Variants in SIAE observed in about 807,000 individuals in gnomAD.
SIAE encodes the protein sialic acid acetylesterase, also known as sialate O-acetylesterase.
SIAE carries 39 observed loss-of-function variants against 52.6 expected under a neutral mutation model. The observed-to-expected ratio is 0.74, with a 90% CI of 0.57 to 0.97. The LOEUF is 0.97. Among genes scored for constraint, SIAE ranks in the 50% least tolerant of loss-of-function variants. SIAE has a pLI of 0.00. For missense variants in SIAE, 592 were observed against 662.1 expected, an observed-to-expected ratio of 0.89 and a Z score of 1.16; for synonymous variants, 233 against 241.4, an observed-to-expected ratio of 0.97 and a Z score of 0.32.
chr11:124,671,757 AT>A (rs967166115), intron 1 of SIAE, among the ~76,000 whole-genome samples: 2 of 151,686 alleles, frequency 1.3e-5, no homozygotes, highest in African/African-American at 4.8e-5. Flanking sequence ...TTACCATTTG[AT>A]TTCTTGTTTG....
chr11:124,657,120 T>C (rs537770928), intron 3 of SIAE, among the ~76,000 whole-genome samples: 53 of 152,316 alleles, frequency 3.5e-4, no homozygotes, highest in Admixed American at 2.2e-3. Context: ...GCTCCCTTGG[T>C]GGTGGCAGCT....
At chr11:124,672,274 T>C (rs1476396961) in intron 1 of SIAE, among the ~76,000 whole-genome samples, 1 of 152,112 alleles carries the variant, frequency 6.6e-6, no homozygotes, top group African/African-American at 2.4e-5. Flanking sequence ...ATTAGTGTTA[T>C]GGGGAAGAGA....
At chr11:124,668,717 A>G (rs531725585) in intron 2 of SIAE, among the ~76,000 whole-genome samples, 4 of 152,334 alleles carry the variant, frequency 2.6e-5, no homozygotes, top group African/African-American at 9.6e-5. Flanking sequence ...TGACAGAATC[A>G]GGGCCTGAAA....
intron 3 of SIAE, 37 bp from the exon 4 acceptor site, chr11:124,654,830 G>A (rs1220028869): frequency 1.9e-5 from 31 of 1,611,768 alleles, no homozygotes; most frequent in Middle Eastern, 2.2e-4. Context: ...AACCTAGCAG[G>A]TGGTGAACTA....
chr11:124,646,368 T>C (rs1396244997), intron 7 of SIAE, among the ~76,000 whole-genome samples: 3 of 152,132 alleles, frequency 2.0e-5, no homozygotes, highest in African/African-American at 7.2e-5. Flanking sequence ...GGCAACCTCA[T>C]GCAAATAAAA....
At chr11:124,650,975 A>C (rs1055512802) in intron 4 of SIAE, among the ~76,000 whole-genome samples, 1 of 152,158 alleles carries the variant, frequency 6.6e-6, no homozygotes. Flanking sequence ...AAGAGTGAGC[A>C]ATTTCATGTT....
Position 124,649,642 on chromosome 11 carries a change from T to TTG in SIAE, c.698_699insCA (p.Lys233AsnfsTer17), listed in dbSNP as rs1423664676. On this transcript the variant is annotated frameshift_variant, in exon 5 of 10. Coordinates refer to ENST00000263593, the MANE Select transcript of SIAE (RefSeq NM_170601.5). LOFTEE classifies it high-confidence loss of function. ...ACCCTTGTTTAGGGACCCCACAGGC[T>TTG]TTCAGTGACCGTCCAGATGACCAGG... The TTG allele has an allele frequency of 5.6e-6, 9 of 1,614,142 alleles. No individual in the cohort carries two copies. The South Asian group carries it at 9.9e-5, about 18-fold the overall frequency.
chr11:124,637,030 C>T lies in SIAE; in HGVS notation c.1493G>A (p.Ser498Asn), dbSNP rs1257383769. ...GAAGGGAGGGGCTGGCAGGGCACTA[C>T]TGGGGTGGTATAGGGGACACTGCTT... ...EYKQCPLYHP[S>N]SALPAPPFIA... Residue 498 changes from serine to asparagine, a missense_variant, in exon 10 of 10, where the codon AGT becomes AAT. Ser to Asn is a conservative substitution (Grantham distance 46). Coordinates refer to ENST00000263593, the MANE Select transcript of SIAE (RefSeq NM_170601.5). 3 of 1,614,162 alleles carry T rather than the reference C, an allele frequency of 1.9e-6. No individual in the cohort carries two copies. Among genetic ancestry groups the T allele is most frequent in the Non-Finnish European group, 2.5e-6 (3 of 1,180,028 alleles).
chr11:124,637,297 G>C, intron 9 of SIAE, 95 bp from the exon 10 acceptor site: 1 of 1,560,502 alleles, frequency 6.4e-7, no homozygotes. Context: ...TGGGAGGAAA[G>C]GAGACACTCT....
intron 1 of SIAE, among the ~76,000 whole-genome samples, chr11:124,672,208 G>A: frequency 6.6e-6 from 1 of 152,156 alleles, no homozygotes; most frequent in Non-Finnish European, 1.5e-5. Context: ...CCAACATTTG[G>A]ATTTTTTAGG....
At chr11:124,673,566 G>T in intron 1 of SIAE, 76 bp downstream of exon 1, 1 of 1,523,280 alleles carries the variant, frequency 6.6e-7, no homozygotes, top group Non-Finnish European at 9.0e-7. Flanking sequence ...GCGGATCCGT[G>T]TCCCGCAGAG....
intron 2 of SIAE, among the ~76,000 whole-genome samples, chr11:124,663,786 C>A (rs1259297710): frequency 6.6e-6 from 1 of 152,060 alleles, no homozygotes. Flanking sequence ...CAGTTAAGTC[C>A]AGTTAAGAGT....
At position 124,638,792 on chromosome 11, in the gene SIAE, A is replaced by AT. The variant is rs542353138; in HGVS notation, c.1125-56dup. The AT allele has an allele frequency of 1.1e-4, 159 of 1,425,550 alleles. No individual in the cohort carries two copies. In the African/African-American group the frequency reaches 2.0e-3, roughly 18 times the overall value. 88.3% of individuals were successfully genotyped at this position (1,425,550 alleles called of 1,614,324 possible). ...TGGGTTTAAGCTCAACAATCACCAC[A>AT]TTTTTTTAAAAGGGGGATTATACAA... is the stretch of plus-strand genomic sequence containing the variant. On this transcript the variant is annotated intron_variant, in intron 8 of 9. Coordinates refer to ENST00000263593, the MANE Select transcript of SIAE (RefSeq NM_170601.5).
chr11:124,661,076 C>T (rs1267303312), intron 2 of SIAE, among the ~76,000 whole-genome samples: 1 of 152,142 alleles, frequency 6.6e-6, no homozygotes, highest in Non-Finnish European at 1.5e-5. Flanking sequence ...GACAAAAATA[C>T]ACACAGATTA....
At position 124,633,506 on chromosome 11, in the gene SIAE, A is replaced by G. The variant is rs987044117; in HGVS notation, c.*3445T>C. The G allele has an allele frequency of 6.6e-6, 1 of 152,228 alleles. No individual in the cohort carries two copies. Among genetic ancestry groups the G allele is most frequent in the African/African-American group, 2.4e-5 (1 of 41,444 alleles). 9.4% of individuals were successfully genotyped at this position (152,228 alleles called of 1,614,324 possible). A position where few individuals can be genotyped will look rare whatever the true frequency, so the allele number is the denominator to read the frequency against. ...AATGCACTGCCATTCATAATTGCCAATTGAGGACAACACAAATGGGATTGG... is the reference window on the plus strand; with the variant it reads ...AATGCACTGCCATTCATAATTGCCAGTTGAGGACAACACAAATGGGATTGG... On this transcript the variant is annotated 3_prime_UTR_variant, in exon 10 of 10. Coordinates refer to ENST00000263593, the MANE Select transcript of SIAE (RefSeq NM_170601.5).
At chr11:124,658,240 G>GCACACA (rs10643725) in intron 3 of SIAE, among the ~76,000 whole-genome samples, 4,552 of 145,236 alleles carry the variant, frequency 0.031, 193 homozygotes, top group African/African-American at 0.1. Flanking sequence ...GTGTGTCTGT[G>GCACACA]CACACACACA....
At chr11:124,657,272 A>G (rs891709195) in intron 3 of SIAE, among the ~76,000 whole-genome samples, 1 of 152,214 alleles carries the variant, frequency 6.6e-6, no homozygotes, top group African/African-American at 2.4e-5. Context: ...CGAAGGAGTA[A>G]GAACAGGCTA....
intron 9 of SIAE, among the ~76,000 whole-genome samples, chr11:124,638,057 T>C (rs1942781448): frequency 6.6e-6 from 1 of 152,196 alleles, no homozygotes; most frequent in Non-Finnish European, 1.5e-5. Flanking sequence ...TGACCCCTGC[T>C]AGGTATTAAA....
chr11:124,657,818 C>A (rs1351631586), intron 3 of SIAE, among the ~76,000 whole-genome samples: 3 of 152,140 alleles, frequency 2.0e-5, no homozygotes, highest in Non-Finnish European at 2.9e-5. Flanking sequence ...TTGATGAAAG[C>A]ATTTCCTCGG....
Sources: gnomAD v4.1 joint callset for allele counts (sites outside exome capture counted in the v4.1 genomes callset) on GRCh38, gnomAD v4.1.1 for gene constraint, MANE v1.5 for transcripts, NCBI Gene and HGNC (gene_info 2026-07-23, HGNC 2026-07-21) for gene names.